The following LONRF1 variants were observed in gnomAD, a reference collection of about 807,000 sequenced individuals.
The protein encoded by LONRF1 is LON peptidase N-terminal domain and ring finger 1.
LONRF1 carries 37 observed loss-of-function variants against 85.8 expected under a neutral mutation model. That is an observed-to-expected ratio of 0.43 (90% confidence interval 0.33 to 0.57). The LOEUF (loss-of-function observed/expected upper bound fraction) is 0.57. Among genes scored for constraint, LONRF1 ranks in the 20% least tolerant of loss-of-function variants. The probability of loss-of-function intolerance (pLI) is 0.04; values close to 1 mark genes in which losing one functional copy is unlikely to be tolerated. For missense variants in LONRF1, 1,036 were observed against 978.0 expected (o/e 1.06, Z -0.79); for synonymous variants, 517 against 390.1 (o/e 1.33, Z -3.83).
At chr8:12,751,302 T>TTTTTTTTTG (rs1554469361) in intron 1 of LONRF1, among the ~76,000 whole-genome samples, 4 of 96,602 alleles carry the variant, frequency 4.1e-5, no homozygotes, top group African/African-American at 1.3e-4. Flanking sequence ...TTATGTTTTT[T>TTTTTTTTTG]TTTTTTTTTT....
intron 1 of LONRF1, among the ~76,000 whole-genome samples, chr8:12,745,856 T>C (rs1799132039): frequency 6.6e-6 from 1 of 152,192 alleles, no homozygotes; most frequent in Non-Finnish European, 1.5e-5. Context: ...ATATCTCTGG[T>C]CTTGTACCCA....
chr8:12,726,674 T>C lies in LONRF1; in HGVS notation c.2011-795A>G, dbSNP rs373032007. Among the ~76,000 whole-genome samples the C allele has an allele frequency of 1.9e-4, 29 of 152,344 alleles. No homozygotes were observed. In the South Asian group the frequency reaches 5.0e-3, roughly 26 times the overall value. ...TGCACACTTACATCCCACTTGCTAC[T>C]TGCCAGGTCGTGCTCTGTCTCATAT... On this transcript the variant is annotated intron_variant, in intron 10 of 11. Transcript: ENST00000398246.
Position 12,740,917 on chromosome 8 carries a change from G to A in LONRF1, c.920C>T (p.Ala307Val), listed in dbSNP as rs1452973874. ...DALQLFLQCL[A>V]LDEDFAPAKL... The stretch of plus-strand genomic sequence containing the variant: ...TGCAGGTGCAAAATCTTCATCAAGG[G>A]CTAAGCACTGAAGAAAGAGTTGTAA... Residue 307 changes from alanine (A) to valine (V), a missense_variant, in exon 3 of 12, where the codon GCC becomes GTC. By Grantham distance (64) the Ala-to-Val change is moderately conservative. Around this residue, in one of 3 missense-constraint regions of LONRF1, gnomAD observed 742 missense variants for 614.4 expected, o/e 1.21. Coordinates refer to ENST00000398246, the MANE Select transcript of LONRF1 (RefSeq NM_152271.5). The A allele has an allele frequency of 6.2e-7, 1 of 1,613,434 alleles. No homozygotes were observed. The highest frequency in any genetic ancestry group is 1.7e-5 in the Admixed American group (1 of 59,962).
Position 12,755,515 on chromosome 8 carries a change from T to G in LONRF1, c.-95A>C, listed in dbSNP as rs2128792767. 1.8e-6 allele frequency: 1 copy of G among 559,470 alleles called. No homozygotes were observed. Among genetic ancestry groups the G allele is most frequent in the Non-Finnish European group, 2.3e-6 (1 of 442,682 alleles). 34.7% of individuals were successfully genotyped at this position (559,470 alleles called of 1,614,324 possible). On this transcript the variant is annotated 5_prime_UTR_variant, in exon 1 of 12. Coordinates refer to ENST00000398246, the MANE Select transcript of LONRF1 (RefSeq NM_152271.5). The stretch of plus-strand genomic sequence containing the variant: ...CACGCGGCCCGCGAGCAGGGGGGCG[T>G]GGCGCGCGGACACGGCGGGGCTGCG...
In LONRF1 at chr8:12,738,013, A is replaced by G. The variant is rs749487602; in HGVS notation, c.1095T>C (p.Asn365=). Reference sequence around the variant, plus strand: ...CCCGTACCTGCTTTGGGCTAGGTTCATTGAGAGACTGAGACTCTTCCATCA... The same window carrying G: ...CCCGTACCTGCTTTGGGCTAGGTTCGTTGAGAGACTGAGACTCTTCCATCA... ...HSVMEESQSL[N]EPSPKQSEEI... The change falls in exon 4 of 12, where the codon AAT becomes AAC. Residue 365 remains asparagine (N), a synonymous_variant. Coordinates refer to ENST00000398246, the MANE Select transcript of LONRF1 (RefSeq NM_152271.5). The G allele has an allele frequency of 1.2e-6, 2 of 1,608,712 alleles. No individual in the cohort carries two copies. Among genetic ancestry groups the G allele is most frequent in the Admixed American group, 1.7e-5 (1 of 59,276 alleles).
At chr8:12,741,246 C>T (rs7819033) in intron 2 of LONRF1, among the ~76,000 whole-genome samples, 122,214 of 152,000 alleles carry the variant, frequency 0.8, 49,592 homozygotes, top group East Asian at 0.94. Flanking sequence ...TAGCCAGGCA[C>T]GGGGGCATGC....
intron 11 of LONRF1, among the ~76,000 whole-genome samples, chr8:12,723,819 T>C (rs1342980331): frequency 6.6e-6 from 1 of 152,204 alleles, no homozygotes; most frequent in Non-Finnish European, 1.5e-5. Flanking sequence ...CAAAGTATTA[T>C]GGAACCCTTG....
At chr8:12,741,045 T>G (rs1798914386) in intron 2 of LONRF1, 49 bp from the exon 3 acceptor site, 1 of 1,591,456 alleles carries the variant, frequency 6.3e-7, no homozygotes, top group Non-Finnish European at 8.6e-7. Flanking sequence ...AATTGCTTTT[T>G]AAAAAATCAT....
At chr8:12,750,543 C>A (rs371104166) in intron 1 of LONRF1, among the ~76,000 whole-genome samples, 1 of 152,166 alleles carries the variant, frequency 6.6e-6, no homozygotes, top group Non-Finnish European at 1.5e-5. Flanking sequence ...TTTTATCATA[C>A]TGTACCATGT....
chr8:12,751,766 C>G (rs980488517), intron 1 of LONRF1, among the ~76,000 whole-genome samples: 1 of 149,648 alleles, frequency 6.7e-6, no homozygotes, highest in South Asian at 2.1e-4. Context: ...GGTGAACACA[C>G]GAAGGAGATA....
At chr8:12,746,919 C>G (rs146507988) in intron 1 of LONRF1, among the ~76,000 whole-genome samples, 34 of 152,310 alleles carry the variant, frequency 2.2e-4, no homozygotes, top group African/African-American at 8.2e-4. Context: ...GTACTTAGAA[C>G]AGGGCTTGGT....
intron 7 of LONRF1, among the ~76,000 whole-genome samples, chr8:12,734,835 T>C (rs531203321): frequency 1.6e-4 from 25 of 152,328 alleles, no homozygotes; most frequent in African/African-American, 5.5e-4. Flanking sequence ...TAATGGCTAA[T>C]ATATCTGACA....
At chr8:12,739,189 T>C (rs948894997) in intron 3 of LONRF1, among the ~76,000 whole-genome samples, 2 of 151,988 alleles carry the variant, frequency 1.3e-5, no homozygotes, top group African/African-American at 2.4e-5. Flanking sequence ...AGAATACTCA[T>C]AGCAGCTTAG....
chr8:12,748,080 C>T (rs1799235666), intron 1 of LONRF1, among the ~76,000 whole-genome samples: 1 of 152,174 alleles, frequency 6.6e-6, no homozygotes, highest in Non-Finnish European at 1.5e-5. Context: ...ATTTCCTACT[C>T]TGCAATTAAG....
At position 12,725,712 on chromosome 8, in the gene LONRF1, G is replaced by A. The variant is rs1436179293; in HGVS notation, c.2163+15C>T. 1 of 1,597,152 alleles carries A rather than the reference G, an allele frequency of 6.3e-7. No homozygotes were observed. The highest frequency in any genetic ancestry group is 8.6e-7 in the Non-Finnish European group (1 of 1,169,004). On this transcript the variant is annotated intron_variant, in intron 11 of 11. Coordinates refer to ENST00000398246, the MANE Select transcript of LONRF1 (RefSeq NM_152271.5). ...TAAAAAAGTGACTTTTGGAAGAACA[G>A]AAAAGCCACCATACCTGAAGGTTTT...
rs199606385 is a variant in LONRF1, at chr8:12,737,964, A to G, written c.1113+31T>C. On this transcript the variant is annotated intron_variant, in intron 4 of 11. Coordinates refer to ENST00000398246, the MANE Select transcript of LONRF1 (RefSeq NM_152271.5). The stretch of plus-strand genomic sequence containing the variant: ...TAACTCGTAAAGAAATGGATACGCT[A>G]AACTCATGATAACCTTGTCTCACCC... The G allele has an allele frequency of 2.7e-5, 43 of 1,581,192 alleles. No homozygotes were observed. The East Asian group carries it at 9.1e-4, about 34-fold the overall frequency.
At chr8:12,727,353 G>T (rs1036121392) in intron 10 of LONRF1, 1 of 150,260 alleles carries the variant, frequency 6.7e-6, no homozygotes, top group Non-Finnish European at 1.5e-5. Flanking sequence ...AATTTTAACA[G>T]AACTTAAAAT....
At chr8:12,730,392 A>G (rs1019961924) in intron 8 of LONRF1, among the ~76,000 whole-genome samples, 2 of 152,210 alleles carry the variant, frequency 1.3e-5, no homozygotes, top group African/African-American at 4.8e-5. Context: ...GGCTTTTTTT[A>G]AAAGCTCATT....
chr8:12,754,933 G>A lies in LONRF1; in HGVS notation c.488C>T (p.Pro163Leu). The A allele has an allele frequency of 6.7e-7, 1 of 1,489,658 alleles. No homozygotes were observed. The allele number at this position is 1,489,658 out of a possible 1,614,324, so 92.3% of individuals were successfully genotyped here. A position where few individuals can be genotyped will look rare whatever the true frequency, so the allele number is the denominator to read the frequency against. The change falls in exon 1 of 12, where the codon CCG becomes CTG. Residue 163 changes from proline (P) to leucine (L), a missense_variant. Transcript: ENST00000398246. ...ATCAGTGGCACTGGCGGTGGCGGGC[G>A]GCAGCCGGTCCCGGCAGAGGCGGCA... The part of the protein sequence containing the change: ...ARCRLCRDRL[P>L]PATASATDAE...
Sources: gnomAD v4.1 joint callset for allele counts (sites outside exome capture counted in the v4.1 genomes callset) on GRCh38, gnomAD v4.1.1 for gene constraint, gnomAD v4.1.1 regional missense constraint, MANE v1.5 for transcripts, NCBI Gene and HGNC (gene_info 2026-07-23, HGNC 2026-07-21) for gene names.